Variants in C1orf105 observed in about 807,000 individuals in gnomAD.
C1orf105 encodes the protein uncharacterized protein C1orf105.
A neutral mutation model predicts 20.8 loss-of-function variants in C1orf105; 17 were observed. That is an observed-to-expected ratio of 0.82 (90% confidence interval 0.56 to 1.23). The LOEUF is 1.23. C1orf105 is among the 50% of genes most tolerant of loss of function. The probability of loss-of-function intolerance (pLI) is 0.00; values close to 1 mark genes in which losing one functional copy is unlikely to be tolerated. For missense variants in C1orf105, 219 were observed against 213.5 expected, an observed-to-expected ratio of 1.03 and a Z score of -0.16; for synonymous variants, 72 against 72.1, an observed-to-expected ratio of 1.00 and a Z score of 0.01.
intron 6 of C1orf105, among the ~76,000 whole-genome samples, chr1:172,467,084 C>CCA (rs959057459): frequency 6.6e-6 from 1 of 152,168 alleles, no homozygotes; most frequent in African/African-American, 2.4e-5. Flanking sequence ...GAAAGCTAGA[C>CCA]CTTCAGCACA....
chr1:172,425,908 A>C (rs2071710627), intron 1 of C1orf105, among the ~76,000 whole-genome samples: 1 of 150,560 alleles, frequency 6.6e-6, no homozygotes, highest in South Asian at 2.1e-4. Context: ...GCTCACTACT[A>C]CTATCTGCCT....
chr1:172,420,842 C>CT lies in C1orf105; in HGVS notation c.-44_-43insT, dbSNP rs2071566513. ...CACAGTGAGGGGAGCTAGGTTTCCC[C>CT]AGTCTCCAGCTAGAAAAACTCAGAA... On this transcript the variant is annotated 5_prime_UTR_variant, in exon 1 of 7. Coordinates refer to ENST00000367727, the MANE Select transcript of C1orf105 (RefSeq NM_139240.4). 6.2e-7 allele frequency: 1 copy of CT among 1,605,260 alleles called. No individual in the cohort carries two copies. Among genetic ancestry groups the CT allele is most frequent in the African/African-American group, 1.3e-5 (1 of 74,650 alleles).
chr1:172,429,066 C>A (rs2071795170), intron 1 of C1orf105, among the ~76,000 whole-genome samples: 1 of 152,224 alleles, frequency 6.6e-6, no homozygotes, highest in South Asian at 2.1e-4. Flanking sequence ...GGGCTCCATT[C>A]AGGCACAAGC....
chr1:172,422,129 G>A (rs527329058), intron 1 of C1orf105, among the ~76,000 whole-genome samples: 7 of 152,072 alleles, frequency 4.6e-5, no homozygotes, highest in South Asian at 2.1e-4. Context: ...GGGAGCGCAC[G>A]ATCTAGTAAG....
intron 1 of C1orf105, among the ~76,000 whole-genome samples, chr1:172,432,808 A>G (rs896480698): frequency 6.6e-6 from 1 of 152,200 alleles, no homozygotes; most frequent in African/African-American, 2.4e-5. Context: ...GTCAGTAATA[A>G]CAAACTTTTC....
In C1orf105 at chr1:172,431,544, C is replaced by T. The variant is rs1038001596; in HGVS notation, c.21+10638C>T. On this transcript the variant is annotated intron_variant, in intron 1 of 6. Transcript: ENST00000367727. ...CATCTCTGTAACATAAAAGTGCACACTAAAGCAGCAAGTGCTCATATGGAA... is the reference window on the plus strand; with the variant it reads ...CATCTCTGTAACATAAAAGTGCACATTAAAGCAGCAAGTGCTCATATGGAA... Among the ~76,000 whole-genome samples the T allele has an allele frequency of 3.9e-5, 6 of 152,230 alleles. 1 individual carries two copies. Among genetic ancestry groups the T allele is most frequent in the Non-Finnish European group, 8.8e-5 (6 of 68,038 alleles).
intron 2 of C1orf105, among the ~76,000 whole-genome samples, chr1:172,446,267 G>T (rs917698329): frequency 6.6e-6 from 1 of 152,206 alleles, no homozygotes; most frequent in Non-Finnish European, 1.5e-5. Flanking sequence ...AGTACTAAGT[G>T]ATAGAGTGCT....
chr1:172,441,828 A>G, intron 1 of C1orf105: 1 of 1,613,994 alleles, frequency 6.2e-7, no homozygotes, highest in Non-Finnish European at 8.5e-7. Context: ...GGTAGAATGG[A>G]CACAGACATG....
chr1:172,430,249 CCCA>C (rs2071833990), intron 1 of C1orf105: 1 of 683,480 alleles, frequency 1.5e-6, no homozygotes, highest in African/African-American at 1.8e-5. Flanking sequence ...TGAGTAACTT[CCCA>C]CCACAACTGT....
At chr1:172,463,007 C>T (rs748772277) in intron 5 of C1orf105, among the ~76,000 whole-genome samples, 1 of 152,150 alleles carries the variant, frequency 6.6e-6, no homozygotes, top group Non-Finnish European at 1.5e-5. Flanking sequence ...AAACTCCCCA[C>T]CTCTGGTGAT....
intron 1 of C1orf105, chr1:172,442,773 G>A: frequency 1.5e-6 from 1 of 687,598 alleles, no homozygotes; most frequent in Non-Finnish European, 2.6e-6. Context: ...TTCAAAGGCA[G>A]GGGCTAGGCC....
Position 172,448,459 on chromosome 1 carries a change from G to T in C1orf105, c.126G>T (p.Ala42=). 1 of 1,612,142 alleles carries T rather than the reference G, an allele frequency of 6.2e-7. No homozygotes were observed. The highest frequency in any genetic ancestry group is 8.5e-7 in the Non-Finnish European group (1 of 1,178,318). The change falls in exon 3 of 7, where the codon GCG becomes GCT. Residue 42 remains alanine, a synonymous_variant. Transcript: ENST00000367727. ...TACTTAGATATCCTCATACCTCTGC[G>T]ACTTTTCTGACTTCATCCAAGAAGA... ...SLPRRYPHTS[A]TFLTSSKKNM...
intron 3 of C1orf105, among the ~76,000 whole-genome samples, chr1:172,455,397 C>T (rs1415281496): frequency 6.6e-6 from 1 of 152,176 alleles, no homozygotes; most frequent in African/African-American, 2.4e-5. Flanking sequence ...AGTGATGGGC[C>T]AGCAAGCGGA....
At chr1:172,453,760 C>T (rs1648923452) in intron 3 of C1orf105, among the ~76,000 whole-genome samples, 1 of 152,048 alleles carries the variant, frequency 6.6e-6, no homozygotes, top group African/African-American at 2.4e-5. Context: ...AAAGCTAGAC[C>T]AAGTTTATGA....
At chr1:172,442,531 C>G (rs751316893) in intron 1 of C1orf105, 2 of 1,614,056 alleles carry the variant, frequency 1.2e-6, no homozygotes, top group African/African-American at 2.7e-5. Flanking sequence ...CAGGAATCGC[C>G]GGTCCACATA....
At chr1:172,432,679 G>A (rs1170833635) in intron 1 of C1orf105, among the ~76,000 whole-genome samples, 1 of 152,190 alleles carries the variant, frequency 6.6e-6, no homozygotes, top group Non-Finnish European at 1.5e-5. Flanking sequence ...AAGAAAAGCT[G>A]AAAATTCTAA....
rs1263818889 is a variant in C1orf105 at position 172,459,224 on chromosome 1, CAAAG to C, written c.273+2738_273+2741del. Among the ~76,000 whole-genome samples the C allele has an allele frequency of 2.6e-5, 4 of 152,160 alleles. No homozygotes were observed. In the East Asian group the frequency reaches 7.7e-4, roughly 29 times the overall value. On this transcript the variant is annotated intron_variant, in intron 4 of 6. Transcript: ENST00000367727. ...ATAAAAATTTTAAACTTTTGTTCCA[CAAAG>C]AACACCATCAAGAACACGAAAAGAC...
chr1:172,460,609 C>A (rs1649622382), intron 4 of C1orf105, among the ~76,000 whole-genome samples: 1 of 151,068 alleles, frequency 6.6e-6, no homozygotes, highest in African/African-American at 2.4e-5. Context: ...TTTATTTCAA[C>A]AAATATTGAT....
At chr1:172,442,877 G>A (rs749758031) in intron 1 of C1orf105, 18 of 426,162 alleles carry the variant, frequency 4.2e-5, no homozygotes, top group Middle Eastern at 6.4e-4. Flanking sequence ...GAAAGGTCAA[G>A]AGTAGTACTG....
Sources: gnomAD v4.1 joint callset for allele counts (sites outside exome capture counted in the v4.1 genomes callset) on GRCh38, gnomAD v4.1.1 for gene constraint, MANE v1.5 for transcripts, NCBI Gene and HGNC (gene_info 2026-07-23, HGNC 2026-07-21) for gene names.